Variants in RP1 observed in about 807,000 individuals in gnomAD.
The protein encoded by RP1 is RP1 axonemal microtubule associated, also known as oxygen-regulated protein 1.
A neutral mutation model predicts 14.8 loss-of-function variants in RP1; 16 were observed. The ratio of observed to expected loss-of-function variants is 1.08; its 90% CI spans 0.73 to 1.65. The LOEUF is 1.65. RP1 is among the 40% of genes most tolerant of loss of function. The probability of loss-of-function intolerance (pLI) is 0.00; values close to 1 mark genes in which losing one functional copy is unlikely to be tolerated. For synonymous variants in RP1, 876 were observed against 883.6 expected, an observed-to-expected ratio of 0.99 and a Z score of 0.15; for missense variants, 2,631 against 2,535.0, an observed-to-expected ratio of 1.04 and a Z score of -0.81.
intron 15 of RP1, among the ~76,000 whole-genome samples, chr8:54,713,765 T>C (rs1302864837): frequency 6.6e-6 from 1 of 152,198 alleles, no homozygotes; most frequent in Non-Finnish European, 1.5e-5. Flanking sequence ...ATAAATCGTG[T>C]TTTACCTAAT....
chr8:54,838,723 G>T (rs1225597070), intron 25 of RP1, among the ~76,000 whole-genome samples: 2 of 152,128 alleles, frequency 1.3e-5, no homozygotes, highest in African/African-American at 4.8e-5. Context: ...GTGTGTGTGT[G>T]TGTATTCTTA....
exon 29 of RP1, chr8:54,870,884 G>A (rs1812575341): frequency 6.6e-6 from 1 of 152,030 alleles, no homozygotes; most frequent in Admixed American, 6.5e-5. Context: ...AAGCAGGAGA[G>A]CCGGGATGTG....
intron 1 of RP1, among the ~76,000 whole-genome samples, chr8:54,595,925 G>A (rs1204565683): frequency 6.6e-6 from 1 of 152,090 alleles, no homozygotes; most frequent in East Asian, 1.9e-4. Flanking sequence ...GGAGGAATTA[G>A]CTTTTTTCAT....
rs1255703330 is a variant in RP1, at chr8:54,630,099, AAT to A, written c.6219_6220del (p.Asn2073LysfsTer25). The A allele has an allele frequency of 1.2e-6, 2 of 1,613,864 alleles. No individual in the cohort carries two copies. Among genetic ancestry groups the A allele is most frequent in the Non-Finnish European group, 1.7e-6 (2 of 1,179,960 alleles). On this transcript the variant is annotated frameshift_variant, in exon 4 of 4. Coordinates refer to ENST00000220676, the MANE Select transcript of RP1 (RefSeq NM_006269.2). LOFTEE classifies it low-confidence loss of function (END_TRUNC). The stretch of plus-strand genomic sequence containing the variant: ...AGTCGATGAGAATAACAACTTATTA[AAT>A]AACAGATTCCAGGGCTCAAGAACAA... ...KAVDENNNLL[N>X]NRFQGSRTNL...
intron 24 of RP1, among the ~76,000 whole-genome samples, chr8:54,815,251 T>C (rs1397696250): frequency 2.6e-5 from 4 of 152,240 alleles, no homozygotes; most frequent in Non-Finnish European, 5.9e-5. Flanking sequence ...TGTGGCTTCA[T>C]GCCATGTCCA....
chr8:54,617,301 C>T (rs1222418474), intron 1 of RP1, among the ~76,000 whole-genome samples: 4 of 152,156 alleles, frequency 2.6e-5, no homozygotes, highest in African/African-American at 4.8e-5. Flanking sequence ...CTAGGTAGCC[C>T]TTAAGTATAT....
chr8:54,756,973 C>T (rs1809523783), intron 21 of RP1, among the ~76,000 whole-genome samples: 1 of 152,148 alleles, frequency 6.6e-6, no homozygotes, highest in African/African-American at 2.4e-5. Context: ...TAGTTGCAAT[C>T]AGTGTATAAA....
At chr8:54,709,891 G>A (rs990857584) in intron 15 of RP1, among the ~76,000 whole-genome samples, 20 of 152,194 alleles carry the variant, frequency 1.3e-4, no homozygotes, top group African/African-American at 3.9e-4. Flanking sequence ...TCAAAATACT[G>A]TATTTAACAA....
At chr8:54,862,758 C>G (rs1455639710) in intron 27 of RP1, among the ~76,000 whole-genome samples, 1 of 152,000 alleles carries the variant, frequency 6.6e-6, no homozygotes, top group Non-Finnish European at 1.5e-5. Context: ...ATGGCAGCTG[C>G]GCATATGACT....
At chr8:54,793,319 A>G (rs1472297080) in intron 24 of RP1, among the ~76,000 whole-genome samples, 1 of 151,904 alleles carries the variant, frequency 6.6e-6, no homozygotes, top group East Asian at 1.9e-4. Flanking sequence ...ATACTTCCAA[A>G]CTCATTTTAT....
chr8:54,765,178 A>G (rs1022774930), intron 22 of RP1, among the ~76,000 whole-genome samples: 2 of 152,244 alleles, frequency 1.3e-5, no homozygotes, highest in Non-Finnish European at 2.9e-5. Flanking sequence ...CATCATTATT[A>G]TTCACAAAGC....
chr8:54,672,278 A>G (rs1807197264), intron 7 of RP1, among the ~76,000 whole-genome samples: 2 of 152,174 alleles, frequency 1.3e-5, no homozygotes. Context: ...GGTAGCCTTC[A>G]GACAAGACAG....
chr8:54,663,789 G>C (rs1012774208), exon 7 of RP1: 1 of 1,535,238 alleles, frequency 6.5e-7, no homozygotes, highest in Non-Finnish European at 8.7e-7. Context: ...GGGGAAAAGG[G>C]AGATACAGGA....
At chr8:54,758,833 C>A in intron 21 of RP1, 2 of 1,325,776 alleles carry the variant, frequency 1.5e-6, no homozygotes, top group South Asian at 1.4e-5. Flanking sequence ...CTGCTTCTGG[C>A]AGTCGTTTAA....
At chr8:54,718,695 GAC>G (rs1808464026) in intron 15 of RP1, among the ~76,000 whole-genome samples, 1 of 152,150 alleles carries the variant, frequency 6.6e-6, no homozygotes, top group Admixed American at 6.6e-5. Context: ...GCCATGAAAA[GAC>G]ATTGAGGAAA....
chr8:54,565,016 A>G (rs977461219), intron 1 of RP1, among the ~76,000 whole-genome samples: 1 of 152,076 alleles, frequency 6.6e-6, no homozygotes, highest in African/African-American at 2.4e-5. Flanking sequence ...TCTGCCTCCC[A>G]AAGTGTTGGG....
exon 15 of RP1, chr8:54,706,639 G>T (rs1254475456): frequency 6.5e-7 from 1 of 1,536,072 alleles, no homozygotes; most frequent in Non-Finnish European, 8.7e-7. Context: ...ATCAAGGATG[G>T]CCGATGCGAT....
At chr8:54,870,487 A>G (rs1353619760) in exon 29 of RP1, 1 of 152,018 alleles carries the variant, frequency 6.6e-6, no homozygotes, top group Non-Finnish European at 1.5e-5. Flanking sequence ...AACCCAACCA[A>G]TTGGGTTACT....
chr8:54,620,971 G>T lies in RP1; in HGVS notation c.5G>T (p.Ser2Ile), dbSNP rs552496407. The change falls in exon 2 of 4, where the codon AGT becomes ATT. Residue 2 changes from serine (S) to isoleucine (I), a missense_variant. Transcript: ENST00000220676. Reference sequence around the variant, plus strand: ...CTTCTCTAGGTCTCAGCCAAAATGAGTGATACCCCTTCTACTGGTTTTTCC... The same window carrying T: ...CTTCTCTAGGTCTCAGCCAAAATGATTGATACCCCTTCTACTGGTTTTTCC... Reference protein sequence around the residue: MSDTPSTGFSII... With the variant: MIDTPSTGFSII... The T allele has an allele frequency of 6.2e-7, 1 of 1,614,146 alleles. No homozygotes were observed. The highest frequency in any genetic ancestry group is 1.1e-5 in the South Asian group (1 of 91,084).
Sources: gnomAD v4.1 joint callset for allele counts (sites outside exome capture counted in the v4.1 genomes callset) on GRCh38, gnomAD v4.1.1 for gene constraint, MANE v1.5 for transcripts, NCBI Gene and HGNC (gene_info 2026-07-23, HGNC 2026-07-21) for gene names.